BAZ2B: variants seen among roughly 807,000 people sequenced by gnomAD.
The protein encoded by BAZ2B is bromodomain adjacent to zinc finger domain 2B, also known as bromodomain adjacent to zinc finger domain protein 2B.
Under a neutral mutation model 246.0 loss-of-function variants are expected in BAZ2B, and 91 were observed. The ratio of observed to expected loss-of-function variants is 0.37; its 90% confidence interval spans 0.31 to 0.44. The LOEUF (loss-of-function observed/expected upper bound fraction) is 0.44, where lower values mean the gene tolerates loss of function less well. BAZ2B is among the 20% of genes least tolerant of loss of function. The probability of loss-of-function intolerance (pLI) is 1.00; values close to 1 mark genes in which losing one functional copy is unlikely to be tolerated. For synonymous variants in BAZ2B, 855 were observed against 860.0 expected, an observed-to-expected ratio of 0.99 and a Z score of 0.10; for missense variants, 2,332 against 2,533.7, an observed-to-expected ratio of 0.92 and a Z score of 1.71.
chr2:159,708,256 C>T, the BAZ2B span, among the ~76,000 whole-genome samples: 9 of 151,126 alleles, frequency 6.0e-5, no homozygotes, highest in African/African-American at 1.9e-4. Flanking sequence ...ATGGTACCGC[C>T]GGGTACTCCA....
intron 1 of BAZ2B, among the ~76,000 whole-genome samples, chr2:159,608,583 G>A (rs1694033923): frequency 6.6e-6 from 1 of 152,146 alleles, no homozygotes; most frequent in African/African-American, 2.4e-5. Flanking sequence ...TTTATTCTGT[G>A]ATGAGATGCT....
chr2:159,438,888 G>T, intron 7 of BAZ2B, 121 bp downstream of exon 7: 1 of 1,263,134 alleles, frequency 7.9e-7, no homozygotes, highest in Non-Finnish European at 1.1e-6. Context: ...TCTTTCTTGG[G>T]CAAAAGTATG....
At chr2:159,407,993 T>C (rs899469420) in intron 14 of BAZ2B, among the ~76,000 whole-genome samples, 4 of 152,206 alleles carry the variant, frequency 2.6e-5, no homozygotes, top group African/African-American at 9.6e-5. Flanking sequence ...TGTCTTGAAA[T>C]GTAAAGATGT....
At chr2:159,442,594 G>A (rs2073619734) in intron 6 of BAZ2B, among the ~76,000 whole-genome samples, 1 of 152,118 alleles carries the variant, frequency 6.6e-6, no homozygotes, top group Non-Finnish European at 1.5e-5. Flanking sequence ...ATAATGTTGT[G>A]CAAACATCAG....
At chr2:159,320,559 C>T (rs955305860) in intron 36 of BAZ2B, 141 bp from the exon 37 acceptor site, 4 of 657,124 alleles carry the variant, frequency 6.1e-6, no homozygotes, top group Admixed American at 8.2e-5. Context: ...ACATGATATC[C>T]TCTTACAAAT....
chr2:159,515,520 G>A (rs1431455076), intron 2 of BAZ2B, among the ~76,000 whole-genome samples: 1 of 152,060 alleles, frequency 6.6e-6, no homozygotes, highest in African/African-American at 2.4e-5. Context: ...TACTGCAAAT[G>A]TTTTCCTATG....
chr2:159,464,586 T>C (rs2150671630), intron 3 of BAZ2B: 1 of 152,276 alleles, frequency 6.6e-6, no homozygotes, highest in Middle Eastern at 3.4e-3. Context: ...CAAAAGGCAT[T>C]TTTATTAGAA....
the BAZ2B span, among the ~76,000 whole-genome samples, chr2:159,632,631 G>C: frequency 6.6e-6 from 1 of 152,120 alleles, no homozygotes; most frequent in African/African-American, 2.4e-5. Flanking sequence ...ATCAGCCATG[G>C]TGGGAATGTT....
At chr2:159,457,282 A>G (rs909183548) in intron 3 of BAZ2B, among the ~76,000 whole-genome samples, 1 of 152,220 alleles carries the variant, frequency 6.6e-6, no homozygotes, top group Non-Finnish European at 1.5e-5. Context: ...TTATACCATA[A>G]TGTATAAAAC....
intron 2 of BAZ2B, among the ~76,000 whole-genome samples, chr2:159,487,141 A>C (rs1024933565): frequency 1.3e-5 from 2 of 152,174 alleles, no homozygotes; most frequent in African/African-American, 4.8e-5. Flanking sequence ...TAAGTCAACA[A>C]AAAGAGAAAG....
intron 13 of BAZ2B, among the ~76,000 whole-genome samples, chr2:159,417,723 T>A (rs968212993): frequency 1.3e-5 from 2 of 152,172 alleles, no homozygotes; most frequent in Non-Finnish European, 2.9e-5. Context: ...TGAGGCACCT[T>A]TACTCTGAGC....
intron 27 of BAZ2B, among the ~76,000 whole-genome samples, chr2:159,362,964 G>C (rs1254799302): frequency 6.6e-6 from 1 of 152,154 alleles, no homozygotes; most frequent in Non-Finnish European, 1.5e-5. Flanking sequence ...GTGAGGCACG[G>C]TGTACAGGAG....
the BAZ2B span, among the ~76,000 whole-genome samples, chr2:159,700,452 T>C: frequency 6.6e-6 from 1 of 152,194 alleles, no homozygotes; most frequent in African/African-American, 2.4e-5. Context: ...TTTGTTTGTT[T>C]GTTTGTTTTT....
chr2:159,602,825 T>G (rs909164145), intron 1 of BAZ2B, among the ~76,000 whole-genome samples: 6 of 152,230 alleles, frequency 3.9e-5, no homozygotes, highest in Non-Finnish European at 8.8e-5. Context: ...TTGATGATAT[T>G]TCATCCCATC....
chr2:159,508,983 T>A lies in BAZ2B; in HGVS notation c.-2-30262A>T, dbSNP rs75033520. On this transcript the variant is annotated intron_variant, in intron 2 of 36. Transcript: ENST00000392783. ...TTATAACCTTATCAAGCCAGTGAAA[T>A]AATCCCTGCCTTTTGGCTTAGTGGT... is the stretch of plus-strand genomic sequence containing the variant. Among the ~76,000 whole-genome samples the A allele has an allele frequency of 1.0e-3, 159 of 152,280 alleles. 1 individual carries two copies. The highest frequency in any genetic ancestry group is 1.6e-3 in the Non-Finnish European group (112 of 67,994).
rs751511626 is a variant in BAZ2B at position 159,446,956 on chromosome 2, A to T, written c.522T>A (p.Asn174Lys). The T allele has an allele frequency of 1.3e-6, 2 of 1,582,152 alleles. No individual in the cohort carries two copies. The highest frequency in any genetic ancestry group is 2.7e-5 in the African/African-American group (2 of 73,666). Residue 174 changes from asparagine to lysine, a missense_variant, in exon 6 of 37, where the codon AAT (asparagine) becomes AAA (lysine). Around this residue, in one of 9 missense-constraint regions of BAZ2B, gnomAD observed 242 missense variants for 237.4 expected, o/e 1.02. Coordinates refer to ENST00000392783, the MANE Select transcript of BAZ2B (RefSeq NM_013450.4). ...CAATTACAGATGATGTATTACTTCC[A>T]TTTATTGACCCATTTACACCTTGAA... ...GPEKGVNGSI[N>K]GSNTSSVIGI... is the part of the protein sequence containing the mutation.
At chr2:159,539,884 C>T (rs1384573247) in intron 2 of BAZ2B, among the ~76,000 whole-genome samples, 3 of 152,090 alleles carry the variant, frequency 2.0e-5, no homozygotes, top group Non-Finnish European at 2.9e-5. Flanking sequence ...TTTCACAACA[C>T]GACACCTGGC....
chr2:159,325,575 C>T (rs1416098113), intron 35 of BAZ2B, 78 bp downstream of exon 35: 1 of 1,434,620 alleles, frequency 7.0e-7, no homozygotes. Flanking sequence ...AGAAAGAAAG[C>T]TTTAATATGG....
chr2:159,621,628 A>G, the BAZ2B span, among the ~76,000 whole-genome samples: 4 of 152,372 alleles, frequency 2.6e-5, no homozygotes, highest in African/African-American at 9.6e-5. Flanking sequence ...AATTTAGTAT[A>G]GATAAAAGCT....
Sources: gnomAD v4.1 joint callset for allele counts (sites outside exome capture counted in the v4.1 genomes callset) on GRCh38, gnomAD v4.1.1 for gene constraint, gnomAD v4.1.1 regional missense constraint, MANE v1.5 for transcripts, NCBI Gene and HGNC (gene_info 2026-07-23, HGNC 2026-07-21) for gene names.